The following CSMD1 variants were observed in gnomAD, a reference collection of about 807,000 sequenced individuals.
CSMD1 encodes CUB and Sushi multiple domains 1, also known as CUB and sushi domain-containing protein 1.
Under a neutral mutation model 417.5 loss-of-function variants are expected in CSMD1, and 213 were observed. The ratio of observed to expected loss-of-function variants is 0.51; its 90% CI spans 0.46 to 0.57. The LOEUF (loss-of-function observed/expected upper bound fraction) is 0.57. Among genes scored for constraint, CSMD1 ranks in the 20% least tolerant of loss-of-function variants. CSMD1 has a pLI of 0.00. For synonymous variants in CSMD1, 2,862 were observed against 1,736.8 expected (o/e 1.65, Z -16.11); for missense variants, 6,923 against 4,529.7 (o/e 1.53, Z -15.17).
chr8:3,114,518 A>T (rs1816736486), intron 42 of CSMD1, among the ~76,000 whole-genome samples: 1 of 151,346 alleles, frequency 6.6e-6, no homozygotes, highest in Admixed American at 6.6e-5. Context: ...AATCTCCCCT[A>T]GTGTGTAGAG....
chr8:3,805,372 C>T (rs1457401521), intron 5 of CSMD1, among the ~76,000 whole-genome samples: 1 of 152,064 alleles, frequency 6.6e-6, no homozygotes, highest in African/African-American at 2.4e-5. Context: ...AGAGAGGAGC[C>T]ACAAGTTACC....
intron 26 of CSMD1, among the ~76,000 whole-genome samples, chr8:3,274,725 G>C (rs1802142798): frequency 6.6e-6 from 1 of 152,116 alleles, no homozygotes; most frequent in Non-Finnish European, 1.5e-5. Flanking sequence ...TTTAAAGTCT[G>C]TTTTATGAGA....
intron 5 of CSMD1, among the ~76,000 whole-genome samples, chr8:3,973,379 T>TA (rs1438394061): frequency 9.2e-5 from 14 of 152,212 alleles, no homozygotes; most frequent in African/African-American, 3.4e-4. Flanking sequence ...AACTTTCATG[T>TA]ATTCACCTAC....
chr8:3,020,828 T>C (rs1809307408), intron 51 of CSMD1, among the ~76,000 whole-genome samples: 2 of 152,162 alleles, frequency 1.3e-5, no homozygotes. Context: ...GCCTCCACGA[T>C]TTATTGGTTT....
chr8:3,822,132 G>C (rs1031856492), intron 5 of CSMD1, among the ~76,000 whole-genome samples: 2 of 151,870 alleles, frequency 1.3e-5, no homozygotes, highest in African/African-American at 2.4e-5. Context: ...TTTTCTTTAA[G>C]AGCAAAGACG....
intron 4 of CSMD1, among the ~76,000 whole-genome samples, chr8:4,018,976 G>C (rs1044692758): frequency 6.6e-6 from 1 of 151,336 alleles, no homozygotes; most frequent in South Asian, 2.1e-4. Context: ...TGATTGCTTT[G>C]TGTTTAACTC....
intron 49 of CSMD1, among the ~76,000 whole-genome samples, chr8:3,065,115 T>C (rs981211769): frequency 2.6e-5 from 4 of 151,930 alleles, no homozygotes; most frequent in African/African-American, 7.3e-5. Context: ...AAAGAAGAAA[T>C]AAACCTGGAA....
intron 1 of CSMD1, among the ~76,000 whole-genome samples, chr8:4,975,519 C>G (rs7016302): frequency 0.22 from 33,510 of 152,090 alleles, 4,298 homozygotes; most frequent in African/African-American, 0.35. Context: ...GGCCAAATCA[C>G]TTATTTTTCA....
At chr8:3,518,348 C>G (rs1447474087) in intron 10 of CSMD1, among the ~76,000 whole-genome samples, 1 of 152,102 alleles carries the variant, frequency 6.6e-6, no homozygotes, top group Admixed American at 6.5e-5. Context: ...AACCTGCGTA[C>G]CAACATCATA....
At chr8:3,330,296 A>G (rs183431460) in intron 23 of CSMD1, among the ~76,000 whole-genome samples, 3 of 152,360 alleles carry the variant, frequency 2.0e-5, no homozygotes, top group Non-Finnish European at 4.4e-5. Flanking sequence ...ATACTCATGC[A>G]TATGTTCGAT....
At chr8:4,154,326 G>T (rs1019881625) in intron 3 of CSMD1, among the ~76,000 whole-genome samples, 1 of 152,170 alleles carries the variant, frequency 6.6e-6, no homozygotes, top group African/African-American at 2.4e-5. Flanking sequence ...AAGTTGAAAG[G>T]ATGTAGTCCA....
intron 23 of CSMD1, among the ~76,000 whole-genome samples, chr8:3,332,852 G>A (rs1415799715): frequency 6.6e-6 from 1 of 152,132 alleles, no homozygotes; most frequent in Non-Finnish European, 1.5e-5. Context: ...CTTGAGTGTG[G>A]GCACAGTCTG....
chr8:3,165,196 A>T (rs1019503249), intron 37 of CSMD1, among the ~76,000 whole-genome samples: 2 of 151,988 alleles, frequency 1.3e-5, no homozygotes, highest in East Asian at 3.9e-4. Context: ...AGAAGCTAAG[A>T]ATGCAAAGAG....
intron 5 of CSMD1, among the ~76,000 whole-genome samples, chr8:3,949,768 G>T (rs924870959): frequency 6.6e-5 from 10 of 152,126 alleles, no homozygotes; most frequent in East Asian, 3.9e-4. Flanking sequence ...AAGCGCACAA[G>T]ACAGCCACAA....
At chr8:4,295,194 A>G (rs1797596913) in intron 3 of CSMD1, among the ~76,000 whole-genome samples, 2 of 75,404 alleles carry the variant, frequency 2.7e-5, no homozygotes, top group African/African-American at 9.2e-5. Flanking sequence ...AAGATTATGC[A>G]CATATAATCT....
intron 3 of CSMD1, among the ~76,000 whole-genome samples, chr8:4,048,474 TC>T (rs1289888812): frequency 6.6e-6 from 1 of 152,284 alleles, no homozygotes; most frequent in East Asian, 1.9e-4. Context: ...GCTACTATTA[TC>T]CCCATTTTAA....
rs567040741 is a variant in CSMD1 at position 4,148,198 on chromosome 8, G to C, written c.416-116099C>G. On this transcript the variant is annotated intron_variant, in intron 3 of 69. Coordinates refer to ENST00000635120, the MANE Select transcript of CSMD1 (RefSeq NM_033225.6). ...TCAGCTGGGACCACTATAACTAACT[G>C]TAAGTTATAAGTTGCTATAGACTGG... is the stretch of plus-strand genomic sequence containing the variant. 5.3e-5 allele frequency among the ~76,000 whole-genome samples: 8 copies of C among 151,998 alleles called. No homozygotes were observed. The East Asian group carries it at 1.4e-3, about 26-fold the overall frequency.
intron 26 of CSMD1, among the ~76,000 whole-genome samples, chr8:3,240,965 A>G (rs758102600): frequency 4.0e-4 from 60 of 151,790 alleles, no homozygotes; most frequent in African/African-American, 1.2e-3. Flanking sequence ...GGATATTGGC[A>G]TTGAGCAGGG....
At chr8:3,244,970 T>C (rs1384172350) in intron 26 of CSMD1, among the ~76,000 whole-genome samples, 2 of 152,152 alleles carry the variant, frequency 1.3e-5, no homozygotes, top group African/African-American at 4.8e-5. Context: ...TTTTTGGCTA[T>C]TTCCAAGAAG....
Sources: allele counts gnomAD v4.1 joint callset (sites outside exome capture counted in the v4.1 genomes callset), GRCh38; gene constraint gnomAD v4.1.1; transcripts MANE v1.5; gene names NCBI Gene and HGNC (gene_info 2026-07-23, HGNC 2026-07-21).